Variants in FYB1 observed in about 807,000 individuals in gnomAD.
The protein encoded by FYB1 is FYN-binding protein 1.
FYB1 carries 41 observed loss-of-function variants against 94.1 expected under a neutral mutation model. That is an observed-to-expected ratio of 0.44 (90% CI 0.34 to 0.57). FYB1 has a LOEUF of 0.57. Among genes scored for constraint, FYB1 ranks in the 20% least tolerant of loss-of-function variants. FYB1 has a pLI of 0.02. For missense variants in FYB1, 1,050 were observed against 976.8 expected (o/e 1.07, Z -1.00); for synonymous variants, 367 against 353.2 (o/e 1.04, Z -0.44).
chr5:39,194,404 T>C (rs1163533305), intron 2 of FYB1, among the ~76,000 whole-genome samples: 6 of 152,106 alleles, frequency 3.9e-5, no homozygotes, highest in Admixed American at 2.6e-4. Flanking sequence ...TATGTGCCTG[T>C]AGTCCCAGCT....
chr5:39,107,320 T>C lies in FYB1; in HGVS notation c.*123A>G. The C allele has an allele frequency of 1.7e-6, 1 of 579,470 alleles. No individual in the cohort carries two copies. The highest frequency in any genetic ancestry group is 3.2e-5 in the East Asian group (1 of 30,796). 35.9% of individuals were successfully genotyped at this position (579,470 alleles called of 1,614,324 possible). On this transcript the variant is annotated 3_prime_UTR_variant, in exon 19 of 19. Coordinates refer to ENST00000512982, the MANE Select transcript of FYB1 (RefSeq NM_001465.6). ...ACACTTTGTAAAGATAATTGGGATT[T>C]CATAACAAATGATAATAAGTGGTTT... is the stretch of plus-strand genomic sequence containing the variant.
chr5:39,154,041 C>T (rs1406813620), intron 2 of FYB1, among the ~76,000 whole-genome samples: 1 of 152,158 alleles, frequency 6.6e-6, no homozygotes, highest in Non-Finnish European at 1.5e-5. Context: ...CTGCCGTGAC[C>T]TCCCCAAATG....
chr5:39,150,050 A>G (rs376503242), intron 3 of FYB1, among the ~76,000 whole-genome samples: 1 of 152,150 alleles, frequency 6.6e-6, no homozygotes. Context: ...CCTTTGTTAA[A>G]CAAAACTTGT....
chr5:39,185,595 T>TACATATATATACACATATATATACAC (rs1561230096), intron 2 of FYB1, among the ~76,000 whole-genome samples: 2 of 145,270 alleles, frequency 1.4e-5, no homozygotes, highest in African/African-American at 5.1e-5. Flanking sequence ...TACATATATA[T>TACATATATATACACATATATATACAC]ACATATATAT....
intron 1 of FYB1, among the ~76,000 whole-genome samples, chr5:39,256,359 G>A (rs1262511838): frequency 6.6e-6 from 1 of 152,156 alleles, no homozygotes. Flanking sequence ...TAAAAAGAAG[G>A]ACTTACCGTG....
chr5:39,152,598 A>C (rs1743341543), intron 3 of FYB1, among the ~76,000 whole-genome samples: 1 of 152,178 alleles, frequency 6.6e-6, no homozygotes, highest in Non-Finnish European at 1.5e-5. Context: ...TATGCTTGCC[A>C]TTGTCTGAAT....
intron 4 of FYB1, 129 bp downstream of exon 4, chr5:39,140,962 CAAAT>C: frequency 1.5e-6 from 1 of 646,326 alleles, no homozygotes; most frequent in Non-Finnish European, 2.8e-6. Flanking sequence ...AGGGAATAAA[CAAAT>C]AAAACGAGAG....
At chr5:39,188,088 A>G (rs1227156822) in intron 2 of FYB1, among the ~76,000 whole-genome samples, 2 of 152,114 alleles carry the variant, frequency 1.3e-5, no homozygotes, top group African/African-American at 4.8e-5. Flanking sequence ...CTATCTACCA[A>G]TTATTGAAGT....
chr5:39,160,988 A>C (rs993721852), intron 2 of FYB1, among the ~76,000 whole-genome samples: 1 of 152,228 alleles, frequency 6.6e-6, no homozygotes. Flanking sequence ...GATTTAAAAA[A>C]ACTGCCTGCC....
chr5:39,247,382 T>C (rs1751527150), intron 1 of FYB1, among the ~76,000 whole-genome samples: 2 of 152,024 alleles, frequency 1.3e-5, no homozygotes, highest in African/African-American at 4.8e-5. Flanking sequence ...CTACATAATT[T>C]GACACATGAT....
chr5:39,272,772 C>T (rs1362235084), intron 1 of FYB1, among the ~76,000 whole-genome samples: 4 of 151,550 alleles, frequency 2.6e-5, no homozygotes, highest in African/African-American at 9.7e-5. Flanking sequence ...AAACAGGAAT[C>T]TAGCAATTAT....
intron 3 of FYB1, 101 bp downstream of exon 3, chr5:39,153,346 AC>A: frequency 7.0e-7 from 1 of 1,435,598 alleles, no homozygotes. Context: ...ACTTTTGTAG[AC>A]CCAGAAGTTT....
chr5:39,123,921 C>T (rs1000561468), intron 13 of FYB1, among the ~76,000 whole-genome samples: 2 of 152,060 alleles, frequency 1.3e-5, no homozygotes, highest in African/African-American at 4.8e-5. Flanking sequence ...TTTTAGATAT[C>T]CTTATGCAGA....
intron 1 of FYB1, among the ~76,000 whole-genome samples, chr5:39,232,460 C>T (rs1750783806): frequency 6.6e-6 from 1 of 152,030 alleles, no homozygotes; most frequent in South Asian, 2.1e-4. Flanking sequence ...GCTGTCCTCT[C>T]AAATTGAAAT....
chr5:39,120,430 C>T lies in FYB1; in HGVS notation c.2139-796G>A, dbSNP rs148265566. Among the ~76,000 whole-genome samples the T allele has an allele frequency of 5.5e-3, 831 of 152,186 alleles. 11 individuals carry two copies. The highest frequency in any genetic ancestry group is 0.019 in the African/African-American group (781 of 41,536). On this transcript the variant is annotated intron_variant, in intron 14 of 18. Coordinates refer to ENST00000512982, the MANE Select transcript of FYB1 (RefSeq NM_001465.6). ...CTAATATAAGTGAACAAGCCTAAAA[C>T]AGTGATTTTTGTAGCCTGTCCGCAC... is the stretch of plus-strand genomic sequence containing the variant.
chr5:39,131,960 G>A (rs1741238631), intron 9 of FYB1, among the ~76,000 whole-genome samples: 1 of 152,228 alleles, frequency 6.6e-6, no homozygotes, highest in African/African-American at 2.4e-5. Context: ...AGAGCAGGAT[G>A]TGACAGGAGA....
chr5:39,147,908 C>T (rs984480042), intron 3 of FYB1, among the ~76,000 whole-genome samples: 1 of 150,374 alleles, frequency 6.7e-6, no homozygotes, highest in Non-Finnish European at 1.5e-5. Flanking sequence ...TCTCAATCTC[C>T]TGACCTTGTG....
chr5:39,229,165 T>C (rs2150567668), intron 1 of FYB1, among the ~76,000 whole-genome samples: 1 of 152,174 alleles, frequency 6.6e-6, no homozygotes, highest in South Asian at 2.1e-4. Context: ...CAGGGAATAG[T>C]GGATGAATCT....
rs757999327 is a variant in FYB1, at chr5:39,224,716, T to C, written c.-27-21729A>G. Among the ~76,000 whole-genome samples the C allele has an allele frequency of 3.7e-4, 57 of 152,290 alleles. 1 individual carries two copies. The highest frequency in any genetic ancestry group is 1.2e-3 in the African/African-American group (51 of 41,572). On this transcript the variant is annotated intron_variant, in intron 1 of 1. Coordinates refer to the FYB1 transcript ENST00000510188. ...TTCCCCTTACTCAACTCAACACTCA[T>C]GTACACATATCAGAGAAGCATTACG...
Sources: allele counts gnomAD v4.1 joint callset (sites outside exome capture counted in the v4.1 genomes callset), GRCh38; gene constraint gnomAD v4.1.1; transcripts MANE v1.5; gene names NCBI Gene and HGNC (gene_info 2026-07-23, HGNC 2026-07-21).